Variants in EXOC4 observed in about 807,000 individuals in gnomAD.
EXOC4 encodes the protein SEC8-like 1.
EXOC4 carries 71 observed loss-of-function variants against 107.2 expected under a neutral mutation model. That is an observed-to-expected ratio of 0.66 (90% CI 0.55 to 0.81). The LOEUF (loss-of-function observed/expected upper bound fraction) is 0.81. Among genes scored for constraint, EXOC4 ranks in the 30% least tolerant of loss-of-function variants. The probability of loss-of-function intolerance (pLI) is 0.00; values close to 1 mark genes in which losing one functional copy is unlikely to be tolerated. For synonymous variants in EXOC4, 456 were observed against 441.2 expected (o/e 1.03, Z -0.42); for missense variants, 1,108 against 1,189.6 (o/e 0.93, Z 1.01).
At chr7:133,825,280 A>G (rs937437670) in intron 11 of EXOC4, among the ~76,000 whole-genome samples, 37 of 152,096 alleles carry the variant, frequency 2.4e-4, no homozygotes, top group Non-Finnish European at 4.3e-4. Context: ...GGGTTGGATC[A>G]CTTAAGCTCA....
chr7:133,776,571 G>T (rs1796349576), intron 10 of EXOC4, among the ~76,000 whole-genome samples: 1 of 152,136 alleles, frequency 6.6e-6, no homozygotes, highest in Non-Finnish European at 1.5e-5. Flanking sequence ...GTGGACACGA[G>T]TCATTTACTC....
intron 11 of EXOC4, among the ~76,000 whole-genome samples, chr7:133,837,343 G>GAC (rs2151244830): frequency 6.6e-6 from 1 of 152,208 alleles, no homozygotes; most frequent in South Asian, 2.1e-4. Flanking sequence ...GAGGGTATTG[G>GAC]ACCTCTTCTG....
At chr7:133,671,117 T>G (rs182349154) in intron 10 of EXOC4, among the ~76,000 whole-genome samples, 1 of 151,818 alleles carries the variant, frequency 6.6e-6, no homozygotes, top group Admixed American at 6.5e-5. Context: ...AGGAAGGGAG[T>G]GTGTCGAAGA....
intron 10 of EXOC4, among the ~76,000 whole-genome samples, chr7:133,675,176 G>A (rs1035467937): frequency 4.6e-5 from 7 of 152,056 alleles, no homozygotes; most frequent in Admixed American, 1.3e-4. Context: ...GGATGGTAGG[G>A]GGCAGGGGAT....
intron 1 of EXOC4, among the ~76,000 whole-genome samples, chr7:133,271,619 G>A (rs534583958): frequency 3.9e-5 from 6 of 152,146 alleles, no homozygotes; most frequent in South Asian, 2.1e-4. Context: ...TTCGGTTTTC[G>A]GAGCTCGGAG....
At chr7:133,640,706 C>T (rs1472844016) in intron 10 of EXOC4, among the ~76,000 whole-genome samples, 2 of 152,146 alleles carry the variant, frequency 1.3e-5, no homozygotes, top group Non-Finnish European at 2.9e-5. Context: ...AATTAGTTGA[C>T]ATGTTTCCTA....
intron 11 of EXOC4, among the ~76,000 whole-genome samples, chr7:133,848,010 A>G (rs34710073): frequency 6.6e-6 from 1 of 150,716 alleles, no homozygotes; most frequent in Non-Finnish European, 1.5e-5. Flanking sequence ...GATTACAGGC[A>G]TGAGCCACCG....
chr7:133,983,544 G>A lies in EXOC4; in HGVS notation c.2207-13948G>A, dbSNP rs141339124. Among the ~76,000 whole-genome samples, 280 of 152,200 alleles carry A rather than the reference G, an allele frequency of 1.8e-3. 2 individuals carry two copies. Among genetic ancestry groups the A allele is most frequent in the African/African-American group, 6.2e-3 (259 of 41,546 alleles). Reference sequence around the variant, plus strand: ...GGTTCAGTTTCACCAATTTTAAATTGTCCTAATGTTTCCAATTTACCCAGT... The same window carrying A: ...GGTTCAGTTTCACCAATTTTAAATTATCCTAATGTTTCCAATTTACCCAGT... On this transcript the variant is annotated intron_variant, in intron 14 of 17. Transcript: ENST00000253861.
At chr7:133,776,556 T>C (rs1796349107) in intron 10 of EXOC4, among the ~76,000 whole-genome samples, 1 of 152,210 alleles carries the variant, frequency 6.6e-6, no homozygotes, top group African/African-American at 2.4e-5. Context: ...GGATCCATTG[T>C]CAGTGTGGAC....
rs71162021 is a variant in EXOC4, at chr7:133,701,997, C to CTTTTTT, written c.1514+71872_1514+71877dup. Among the ~76,000 whole-genome samples, 12 of 66,578 alleles carry CTTTTTT rather than the reference C, an allele frequency of 1.8e-4. 1 individual carries two copies. Among genetic ancestry groups the CTTTTTT allele is most frequent in the African/African-American group, 2.7e-4 (5 of 18,582 alleles). The allele number at this position is 66,578 out of a possible 152,430, so 43.7% of individuals were successfully genotyped here. A position where few individuals can be genotyped will look rare whatever the true frequency, so the allele number is the denominator to read the frequency against. Reference sequence around the variant, plus strand: ...TCTTTTTCCTTTTCTTTCTTTCTTTCTTTTTTTTTTTTTTTTTTTTTGAGA... The same window carrying CTTTTTT: ...TCTTTTTCCTTTTCTTTCTTTCTTTCTTTTTTTTTTTTTTTTTTTTTTTTTTTGAGA... On this transcript the variant is annotated intron_variant, in intron 10 of 17. Coordinates refer to ENST00000253861, the MANE Select transcript of EXOC4 (RefSeq NM_021807.4).
intron 10 of EXOC4, among the ~76,000 whole-genome samples, chr7:133,726,044 T>C (rs2151111789): frequency 6.6e-6 from 1 of 152,346 alleles, no homozygotes; most frequent in South Asian, 2.1e-4. Context: ...GCTTGAAGTT[T>C]AAGATGTCTG....
chr7:133,396,108 A>C (rs1796965974), intron 7 of EXOC4: 1 of 152,168 alleles, frequency 6.6e-6, no homozygotes, highest in South Asian at 2.1e-4. Flanking sequence ...AGAAATGCAG[A>C]TTCTAGTGCT....
At chr7:133,472,673 A>G (rs1052642351) in intron 7 of EXOC4, among the ~76,000 whole-genome samples, 1 of 152,152 alleles carries the variant, frequency 6.6e-6, no homozygotes, top group African/African-American at 2.4e-5. Flanking sequence ...CTACTTTTTA[A>G]AGTTTGGGAC....
At chr7:133,820,316 A>AT (rs909068315) in intron 11 of EXOC4, among the ~76,000 whole-genome samples, 41 of 151,216 alleles carry the variant, frequency 2.7e-4, no homozygotes, top group Middle Eastern at 3.4e-3. Flanking sequence ...GGAGATGGTT[A>AT]TTTTTTTTTC....
intron 9 of EXOC4, among the ~76,000 whole-genome samples, chr7:133,578,879 C>G (rs548975147): frequency 2.0e-5 from 3 of 152,126 alleles, no homozygotes; most frequent in Non-Finnish European, 4.4e-5. Flanking sequence ...AAATACAACT[C>G]TTTGAGGTAG....
At chr7:133,707,068 C>CT (rs1215548672) in intron 10 of EXOC4, among the ~76,000 whole-genome samples, 3,894 of 142,710 alleles carry the variant, frequency 0.027, 132 homozygotes, top group African/African-American at 0.086. Context: ...ATTAAGTGGC[C>CT]TTTTTTTTTT....
intron 11 of EXOC4, among the ~76,000 whole-genome samples, chr7:133,838,702 A>G (rs577954242): frequency 6.6e-6 from 1 of 152,350 alleles, no homozygotes; most frequent in African/African-American, 2.4e-5. Context: ...TACAGTAGCA[A>G]GGCTGTAGAC....
At chr7:133,512,211 C>A (rs1323363420) in intron 9 of EXOC4, among the ~76,000 whole-genome samples, 1 of 152,072 alleles carries the variant, frequency 6.6e-6, no homozygotes, top group Non-Finnish European at 1.5e-5. Context: ...AGGTGGATCA[C>A]CTGAGGGCAG....
rs147206532 is a variant in EXOC4 at position 133,597,700 on chromosome 7, T to C, written c.1418-32345T>C. 3.7e-3 allele frequency among the ~76,000 whole-genome samples: 556 copies of C among 151,870 alleles called. 4 individuals are homozygous for C. The highest frequency in any genetic ancestry group is 0.013 in the African/African-American group (534 of 41,416). ...TGGAGAAAGGAACACAGTATTTAGG[T>C]TAGTGCAAAACTAATTGCGGTTCTT... On this transcript the variant is annotated intron_variant, in intron 9 of 17. Transcript: ENST00000253861.
Sources: allele counts gnomAD v4.1 joint callset (sites outside exome capture counted in the v4.1 genomes callset), GRCh38; gene constraint gnomAD v4.1.1; transcripts MANE v1.5; gene names NCBI Gene and HGNC (gene_info 2026-07-23, HGNC 2026-07-21).